Variants in CAMTA1 observed in about 807,000 individuals in gnomAD.
CAMTA1 encodes the protein calmodulin-binding transcription activator 1.
CAMTA1 carries 27 observed loss-of-function variants against 170.9 expected under a neutral mutation model. The observed-to-expected ratio is 0.16, with a 90% CI of 0.12 to 0.22. The LOEUF is 0.22. Among genes scored for constraint, CAMTA1 ranks in the 10% least tolerant of loss-of-function variants. The pLI is 1.00. For synonymous variants in CAMTA1, 833 were observed against 891.5 expected (o/e 0.93, Z 1.17); for missense variants, 1,619 against 2,217.2 (o/e 0.73, Z 5.42).
At position 7,769,421 on chromosome 1, in the gene CAMTA1, C is replaced by T. The variant is rs1490020164; in HGVS notation, c.*2930C>T. ...GAAATAAAGACAATAATACGAACCCCTCTCTGGCTGCACGGTCGCTTATGG... is the reference window on the plus strand; with the variant it reads ...GAAATAAAGACAATAATACGAACCCTTCTCTGGCTGCACGGTCGCTTATGG... On this transcript the variant is annotated 3_prime_UTR_variant, in exon 23 of 23. Transcript: ENST00000303635. 1 of 152,768 alleles carries T rather than the reference C, an allele frequency of 6.5e-6. No individual in the cohort carries two copies. The allele number at this position is 152,768 out of a possible 1,614,324, so 9.5% of individuals were successfully genotyped here.
chr1:7,383,591 A>G (rs1231887684), intron 5 of CAMTA1, among the ~76,000 whole-genome samples: 2 of 152,182 alleles, frequency 1.3e-5, no homozygotes, highest in African/African-American at 4.8e-5. Flanking sequence ...ACTTAGAACA[A>G]CATAGGGCAC....
At position 7,547,701 on chromosome 1, in the gene CAMTA1, A is replaced by AT. The variant is rs34109968; in HGVS notation, c.510+79814dup. On this transcript the variant is annotated intron_variant, in intron 6 of 22. Transcript: ENST00000303635. The surrounding 1 kb of genome is among the most constrained non-coding windows in gnomAD (Gnocchi z 5.7). ...TAAAACATTATGAGACTTTTTTGCAATTTTTTTTTTTTTTAGCTCATCAGC... is the reference window on the plus strand; with the variant it reads ...TAAAACATTATGAGACTTTTTTGCAATTTTTTTTTTTTTTTAGCTCATCAGC... Among the ~76,000 whole-genome samples the AT allele has an allele frequency of 1.5e-3, 227 of 147,844 alleles. No homozygotes were observed. Among genetic ancestry groups the AT allele is most frequent in the Admixed American group, 4.1e-3 (61 of 14,842 alleles).
At chr1:7,139,190 T>G (rs1645739236) in intron 4 of CAMTA1, among the ~76,000 whole-genome samples, 1 of 142,576 alleles carries the variant, frequency 7.0e-6, no homozygotes, top group Admixed American at 7.2e-5. Context: ...ATTTAGAAAA[T>G]TATATTTATA....
intron 11 of CAMTA1, among the ~76,000 whole-genome samples, chr1:7,716,194 A>G (rs1358421453): frequency 3.3e-5 from 5 of 152,118 alleles, no homozygotes; most frequent in Admixed American, 1.3e-4. Context: ...CACCGTGCCC[A>G]GCTAATTTTT....
intron 4 of CAMTA1, among the ~76,000 whole-genome samples, chr1:7,194,316 C>A (rs904599949): frequency 6.6e-6 from 1 of 152,112 alleles, no homozygotes; most frequent in Admixed American, 6.5e-5. Context: ...TTTAATACTT[C>A]CTGGTATTCT....
chr1:7,732,391 G>A lies in CAMTA1; in HGVS notation c.2915-57G>A, dbSNP rs953950378. The A allele has an allele frequency of 1.4e-5, 22 of 1,523,688 alleles. No individual in the cohort carries two copies. Among genetic ancestry groups the A allele is most frequent in the Admixed American group, 1.7e-5 (1 of 59,574 alleles). 94.4% of individuals were successfully genotyped at this position (1,523,688 alleles called of 1,614,324 possible). ...GGTCCCGCAAGGCTGGCGAGGCCACGTGTTGACTGCTTTTCTTCCAGAACA... is the reference window on the plus strand; with the variant it reads ...GGTCCCGCAAGGCTGGCGAGGCCACATGTTGACTGCTTTTCTTCCAGAACA... On this transcript the variant is annotated intron_variant, in intron 11 of 22. Coordinates refer to ENST00000303635, the MANE Select transcript of CAMTA1 (RefSeq NM_015215.4). The surrounding 1 kb of genome is among the most constrained non-coding windows in gnomAD (Gnocchi z 4.1).
intron 4 of CAMTA1, among the ~76,000 whole-genome samples, chr1:7,105,342 C>A (rs1183853315): frequency 1.3e-5 from 2 of 152,168 alleles, no homozygotes; most frequent in African/African-American, 2.4e-5. Context: ...GAGTTTACCC[C>A]CTGCCAGAAA....
At chr1:7,655,163 C>G (rs2095882060) in intron 7 of CAMTA1, among the ~76,000 whole-genome samples, 2 of 146,732 alleles carry the variant, frequency 1.4e-5, no homozygotes, top group African/African-American at 5.1e-5. Flanking sequence ...CACACCTATA[C>G]ACACCCACAC....
intron 11 of CAMTA1, among the ~76,000 whole-genome samples, chr1:7,699,555 CATCATAACTTT>C (rs1178508268): frequency 6.6e-6 from 1 of 152,208 alleles, no homozygotes; most frequent in Non-Finnish European, 1.5e-5. Context: ...GGCTGGGTCA[CATCATAACTTT>C]ATAATTAACC....
intron 6 of CAMTA1, among the ~76,000 whole-genome samples, chr1:7,591,199 C>T (rs931091738): frequency 2.6e-5 from 4 of 152,164 alleles, no homozygotes; most frequent in African/African-American, 4.8e-5. Context: ...GAGAAAGGAC[C>T]GATCCAAAGA....
intron 5 of CAMTA1, among the ~76,000 whole-genome samples, chr1:7,445,046 T>G (rs2092644037): frequency 1.8e-5 from 2 of 109,658 alleles, no homozygotes; most frequent in South Asian, 3.0e-4. Context: ...TAGCACGGGG[T>G]AGGAGGTGGG....
chr1:7,372,297 C>G (rs960406809), intron 5 of CAMTA1, among the ~76,000 whole-genome samples: 1 of 152,196 alleles, frequency 6.6e-6, no homozygotes, highest in African/African-American at 2.4e-5. Flanking sequence ...CAGCACAGAC[C>G]TGCTTGATGC....
rs183866616 is a variant in CAMTA1 at position 6,965,406 on chromosome 1, C to A, written c.235-125898C>A. ...TAAATAAGGCTGGTTTTTATATTCC[C>A]ATTTGACCAGGGAGTGCAACCAGCA... On this transcript the variant is annotated intron_variant, in intron 3 of 22. Transcript: ENST00000303635. This position sits in a 1 kb window ranked among gnomAD's most constrained non-coding sequence, Gnocchi z 4.1. Among the ~76,000 whole-genome samples the A allele has an allele frequency of 8.4e-4, 128 of 152,262 alleles. 1 individual carries two copies. Among genetic ancestry groups the A allele is most frequent in the African/African-American group, 3.0e-3 (123 of 41,528 alleles).
intron 11 of CAMTA1, among the ~76,000 whole-genome samples, chr1:7,689,752 A>G (rs964072389): frequency 6.6e-6 from 1 of 152,142 alleles, no homozygotes; most frequent in Non-Finnish European, 1.5e-5. Flanking sequence ...TCGGGATGGA[A>G]GTCACCTCCT....
intron 11 of CAMTA1, among the ~76,000 whole-genome samples, chr1:7,700,413 G>A (rs2096426685): frequency 6.6e-6 from 1 of 152,216 alleles, no homozygotes. Flanking sequence ...AGTTTGAGCA[G>A]AATCTTATGA....
At chr1:6,822,827 A>C (rs200056527) in intron 2 of CAMTA1, among the ~76,000 whole-genome samples, 33 of 130,478 alleles carry the variant, frequency 2.5e-4, no homozygotes, top group African/African-American at 7.0e-4. Flanking sequence ...CACACACACA[A>C]ACACACACAC....
chr1:6,814,408 C>T (rs1352782306), intron 1 of CAMTA1, among the ~76,000 whole-genome samples: 1 of 152,140 alleles, frequency 6.6e-6, no homozygotes, highest in Non-Finnish European at 1.5e-5. Flanking sequence ...CACTTCCAGA[C>T]TTGGCCCCTG....
At chr1:6,884,486 C>T (rs1042526285) in intron 3 of CAMTA1, among the ~76,000 whole-genome samples, 4 of 152,132 alleles carry the variant, frequency 2.6e-5, no homozygotes, top group Non-Finnish European at 5.9e-5. Flanking sequence ...TGTTACTTTT[C>T]ATCTTAATCA....
At chr1:7,699,020 G>C (rs1156812575) in intron 11 of CAMTA1, 1 of 152,326 alleles carries the variant, frequency 6.6e-6, no homozygotes, top group East Asian at 1.9e-4. Context: ...TTTTCCGTCG[G>C]TCAGTCTTCT....
Sources: allele counts gnomAD v4.1 joint callset (sites outside exome capture counted in the v4.1 genomes callset), GRCh38; gene constraint gnomAD v4.1.1; non-coding constraint Gnocchi (gnomAD v3.1); transcripts MANE v1.5; gene names NCBI Gene and HGNC (gene_info 2026-07-23, HGNC 2026-07-21).